The following CABLES1 variants were observed in gnomAD, a reference collection of about 807,000 sequenced individuals.
CABLES1 encodes CDK5 and ABL1 enzyme substrate 1.
In CABLES1, 36 loss-of-function variants were observed where a neutral mutation model predicts 57.8. The observed-to-expected ratio is 0.62, with a 90% CI of 0.48 to 0.82. The LOEUF (loss-of-function observed/expected upper bound fraction) is 0.82, where lower values mean the gene tolerates loss of function less well. CABLES1 is among the 40% of genes least tolerant of loss of function. The pLI is 0.00. For missense variants in CABLES1, 767 were observed against 836.6 expected (o/e 0.92, Z 1.03); for synonymous variants, 374 against 363.0 (o/e 1.03, Z -0.35).
At chr18:23,207,705 G>GGGA (rs61301481) in intron 3 of CABLES1, among the ~76,000 whole-genome samples, 24,765 of 151,986 alleles carry the variant, frequency 0.16, 3,084 homozygotes, top group African/African-American at 0.31. Flanking sequence ...GAGGGAGGGA[G>GGGA]GGAGGAGAGG....
intron 3 of CABLES1, among the ~76,000 whole-genome samples, chr18:23,212,431 G>A (rs1017473264): frequency 2.6e-5 from 4 of 152,190 alleles, no homozygotes; most frequent in African/African-American, 9.7e-5. Context: ...GCTGGTGTTC[G>A]AAGCTGAGTG....
At chr18:23,216,067 A>G (rs2047439943) in intron 4 of CABLES1, among the ~76,000 whole-genome samples, 1 of 152,162 alleles carries the variant, frequency 6.6e-6, no homozygotes, top group Admixed American at 6.5e-5. Flanking sequence ...TACAACTTTT[A>G]ATACATGCTG....
At position 23,184,308 on chromosome 18, in the gene CABLES1, C is replaced by CGTGTGT. The variant is rs61158856; in HGVS notation, c.846-4501_846-4496dup. Among the ~76,000 whole-genome samples, 1,189 of 146,420 alleles carry CGTGTGT rather than the reference C, an allele frequency of 8.1e-3. 26 individuals carry two copies. Among genetic ancestry groups the CGTGTGT allele is most frequent in the African/African-American group, 0.027 (1,091 of 39,850 alleles). ...TAATGTGTGCCCTTGCATACTGGCA[C>CGTGTGT]GTGTGTGTGTGTGTGTGTGTGTGTG... is the stretch of plus-strand genomic sequence containing the variant. On this transcript the variant is annotated intron_variant, in intron 1 of 9. Coordinates refer to ENST00000256925, the MANE Select transcript of CABLES1 (RefSeq NM_001100619.3).
chr18:23,194,574 CA>C (rs1568062573), intron 3 of CABLES1, 34 bp downstream of exon 3: 2 of 1,416,572 alleles, frequency 1.4e-6, no homozygotes, highest in African/African-American at 2.8e-5. Context: ...CTGCCAGCAC[CA>C]GTGGGTGGAG....
chr18:23,224,560 G>A (rs1279354903), intron 4 of CABLES1, among the ~76,000 whole-genome samples: 2 of 135,952 alleles, frequency 1.5e-5, no homozygotes, highest in Non-Finnish European at 3.2e-5. Context: ...CAGTCACAGA[G>A]CTTTTTTTTT....
chr18:23,153,300 C>T (rs1171928335), intron 1 of CABLES1, among the ~76,000 whole-genome samples: 3 of 151,410 alleles, frequency 2.0e-5, no homozygotes, highest in African/African-American at 7.3e-5. Flanking sequence ...ATTTCACCAT[C>T]TTTCCCAGGC....
intron 1 of CABLES1, 135 bp from the exon 2 acceptor site, chr18:23,188,703 T>C (rs80256063): frequency 0.06 from 42,533 of 707,496 alleles, 3,835 homozygotes; most frequent in Admixed American, 0.29. Context: ...TGGCAGCCTC[T>C]TAGAGACAGC....
chr18:23,165,467 G>A (rs945284257), intron 1 of CABLES1, among the ~76,000 whole-genome samples: 1 of 151,924 alleles, frequency 6.6e-6, no homozygotes, highest in Non-Finnish European at 1.5e-5. Flanking sequence ...TCCACTCTCC[G>A]GAACCCTTTT....
chr18:23,194,698 T>G (rs2047269414), intron 3 of CABLES1, among the ~76,000 whole-genome samples, 158 bp downstream of exon 3: 1 of 152,140 alleles, frequency 6.6e-6, no homozygotes, highest in Non-Finnish European at 1.5e-5. Flanking sequence ...TCCACCCCAC[T>G]CATGCCAGAA....
intron 3 of CABLES1, among the ~76,000 whole-genome samples, chr18:23,210,586 G>A (rs940293655): frequency 6.6e-6 from 1 of 152,142 alleles, no homozygotes; most frequent in Non-Finnish European, 1.5e-5. Flanking sequence ...AACCCCACAG[G>A]TTCTAAACAT....
intron 2 of CABLES1, among the ~76,000 whole-genome samples, chr18:23,190,019 G>C (rs1388865255): frequency 6.6e-6 from 1 of 152,212 alleles, no homozygotes; most frequent in Non-Finnish European, 1.5e-5. Context: ...TTCAAAGCGT[G>C]GGTAACCTCC....
intron 1 of CABLES1, among the ~76,000 whole-genome samples, chr18:23,178,303 G>A (rs1173323529): frequency 6.6e-6 from 1 of 152,148 alleles, no homozygotes; most frequent in East Asian, 1.9e-4. Context: ...CAGCAGGGCA[G>A]GGCCCCTCCC....
chr18:23,222,282 A>AG (rs952049223), intron 4 of CABLES1, among the ~76,000 whole-genome samples: 17 of 151,266 alleles, frequency 1.1e-4, no homozygotes, highest in African/African-American at 4.1e-4. Context: ...AGTGCCCCCC[A>AG]GCACCTGTTC....
In CABLES1 at chr18:23,135,878, C is replaced by T. The variant is rs1046665983; in HGVS notation, c.116C>T (p.Pro39Leu). The change falls in exon 1 of 10, where the codon CCC becomes CTC. Residue 39 changes from proline to leucine, a missense_variant. Pro to Leu is a moderately conservative substitution (Grantham distance 98). This residue lies in a region of CABLES1 where 198 missense variants were observed against 149.7 expected (regional missense o/e 1.32). Transcript: ENST00000256925. The part of the protein sequence containing the change: ...QQPPPQPQPQ[P>L]AAAAPAQPPP... The stretch of plus-strand genomic sequence containing the variant: ...CCGCCGCCGCAGCCCCAGCCTCAGC[C>T]CGCGGCCGCCGCGCCGGCCCAGCCG... 6 of 1,044,238 alleles carry T rather than the reference C, an allele frequency of 5.7e-6. No individual in the cohort carries two copies. In the African/African-American group the frequency reaches 8.7e-5, roughly 15 times the overall value. 64.7% of individuals were successfully genotyped at this position (1,044,238 alleles called of 1,614,324 possible). A position where few individuals can be genotyped will look rare whatever the true frequency, so the allele number is the denominator to read the frequency against.
chr18:23,243,363 C>G (rs541245014), intron 7 of CABLES1, among the ~76,000 whole-genome samples: 4 of 151,806 alleles, frequency 2.6e-5, no homozygotes, highest in Non-Finnish European at 5.9e-5. Flanking sequence ...TGGGCAGTAG[C>G]TGAGGAGCAT....
chr18:23,141,897 G>A (rs538280145), intron 1 of CABLES1, among the ~76,000 whole-genome samples: 6 of 152,334 alleles, frequency 3.9e-5, no homozygotes, highest in Non-Finnish European at 7.4e-5. Context: ...AGGTGGCAGA[G>A]AGCCAAGGGC....
At chr18:23,143,949 C>T (rs1213843025) in intron 1 of CABLES1, among the ~76,000 whole-genome samples, 1 of 152,234 alleles carries the variant, frequency 6.6e-6, no homozygotes, top group Non-Finnish European at 1.5e-5. Flanking sequence ...ACTGCAACCT[C>T]CCCCGCTCCC....
At chr18:23,209,825 AG>A (rs1244886150) in intron 3 of CABLES1, among the ~76,000 whole-genome samples, 17 of 103,706 alleles carry the variant, frequency 1.6e-4, no homozygotes, top group African/African-American at 5.1e-4. Context: ...TGCTGGGCTG[AG>A]GGGGTAAAAA....
At chr18:23,178,445 C>T (rs1338390270) in intron 1 of CABLES1, among the ~76,000 whole-genome samples, 2 of 151,164 alleles carry the variant, frequency 1.3e-5, no homozygotes. Flanking sequence ...TGTCCTGATA[C>T]CCTAAGGCTG....
Sources: gnomAD v4.1 joint callset for allele counts (sites outside exome capture counted in the v4.1 genomes callset) on GRCh38, gnomAD v4.1.1 for gene constraint, gnomAD v4.1.1 regional missense constraint, MANE v1.5 for transcripts, NCBI Gene and HGNC (gene_info 2026-07-23, HGNC 2026-07-21) for gene names.